The following TECPR2 variants were observed in gnomAD, a reference collection of about 807,000 sequenced individuals.
TECPR2 encodes the protein tectonin beta-propeller repeat containing 2.
Under a neutral mutation model 138.1 loss-of-function variants are expected in TECPR2, and 65 were observed. The ratio of observed to expected loss-of-function variants is 0.47; its 90% CI spans 0.39 to 0.58. The LOEUF (loss-of-function observed/expected upper bound fraction) is 0.58, where lower values mean the gene tolerates loss of function less well. Ranked by LOEUF, TECPR2 falls within the 20% of genes least tolerant of loss-of-function variation. The probability of loss-of-function intolerance (pLI) is 0.00; values close to 1 mark genes in which losing one functional copy is unlikely to be tolerated. For synonymous variants in TECPR2, 746 were observed against 749.8 expected (o/e 0.99, Z 0.08); for missense variants, 1,553 against 1,824.5 (o/e 0.85, Z 2.71).
rs1415021962 is a variant in TECPR2 at position 102,376,710 on chromosome 14, G to C, written c.-12G>C. 8.7e-6 allele frequency: 14 copies of C among 1,613,360 alleles called. No homozygotes were observed. The highest frequency in any genetic ancestry group is 1.2e-5 in the Non-Finnish European group (14 of 1,179,422). ...TTTTCCTGCGTGAAGATAGTCTGTG[G>C]AAACCTTGGCCATGGCATCGATATC... On this transcript the variant is annotated 5_prime_UTR_variant, in exon 2 of 20. Coordinates refer to ENST00000359520, the MANE Select transcript of TECPR2 (RefSeq NM_014844.5).
At chr14:102,497,459 G>A (rs754649965) in intron 18 of TECPR2, 111 bp from the exon 19 acceptor site, 28 of 1,352,980 alleles carry the variant, frequency 2.1e-5, no homozygotes, top group Admixed American at 6.4e-5. Context: ...TGGGCACTCC[G>A]TCCCCGCAGG....
intron 4 of TECPR2, among the ~76,000 whole-genome samples, chr14:102,412,423 G>A (rs1243739536): frequency 1.3e-5 from 2 of 151,998 alleles, no homozygotes; most frequent in South Asian, 2.1e-4. Context: ...TTGAGCCACC[G>A]TGCCAGCTGA....
At position 102,431,634 on chromosome 14, in the gene TECPR2, G is replaced by A. The variant is rs555589779; in HGVS notation, c.1085-162G>A. On this transcript the variant is annotated intron_variant, in intron 7 of 19. Coordinates refer to ENST00000359520, the MANE Select transcript of TECPR2 (RefSeq NM_014844.5). ...TGGGATTACAGGCGTGAGTCACCGT[G>A]CCCATCCTAGTTTTGCTGGTTTCTA... Among the ~76,000 whole-genome samples, 50 of 152,278 alleles carry A rather than the reference G, an allele frequency of 3.3e-4. 1 individual carries two copies. Among genetic ancestry groups the A allele is most frequent in the East Asian group, 1.2e-3 (6 of 5,178 alleles).
intron 5 of TECPR2, among the ~76,000 whole-genome samples, chr14:102,417,535 G>C (rs1445475059): frequency 6.6e-6 from 1 of 152,188 alleles, no homozygotes; most frequent in East Asian, 1.9e-4. Context: ...TGGATAGGAT[G>C]GTCAGGAAAG....
intron 17 of TECPR2, among the ~76,000 whole-genome samples, chr14:102,495,421 A>G (rs1464671956): frequency 2.6e-5 from 4 of 152,154 alleles, no homozygotes. Flanking sequence ...ACCTATTTCT[A>G]TTCCATGGAC....
intron 9 of TECPR2, 118 bp downstream of exon 9, chr14:102,435,329 G>T (rs142254536): frequency 7.1e-7 from 1 of 1,402,738 alleles, no homozygotes; most frequent in African/African-American, 1.4e-5. Flanking sequence ...TGCAAAATCC[G>T]TAGGCCAACT....
chr14:102,479,035 GA>G (rs1311339832), intron 17 of TECPR2, among the ~76,000 whole-genome samples: 26 of 139,196 alleles, frequency 1.9e-4, no homozygotes, highest in South Asian at 2.3e-4. Context: ...AAAAAAAAAG[GA>G]AAAAAAAAAG....
chr14:102,423,428 A>G, intron 5 of TECPR2, among the ~76,000 whole-genome samples: 1 of 151,030 alleles, frequency 6.6e-6, no homozygotes. Context: ...CAAGAGCAAA[A>G]CTCTGTCTCA....
intron 17 of TECPR2, among the ~76,000 whole-genome samples, chr14:102,488,500 C>T (rs1372851706): frequency 1.3e-5 from 2 of 151,710 alleles, no homozygotes; most frequent in African/African-American, 4.8e-5. Flanking sequence ...CCACCACGTC[C>T]GGCTAATTTT....
intron 16 of TECPR2, among the ~76,000 whole-genome samples, chr14:102,462,810 C>G (rs1274408272): frequency 6.6e-6 from 1 of 152,188 alleles, no homozygotes; most frequent in Non-Finnish European, 1.5e-5. Context: ...ATGCACGTAT[C>G]TGACAAAAGA....
chr14:102,445,718 GC>G (rs1595130448), intron 12 of TECPR2, 87 bp from the exon 13 acceptor site: 1 of 1,475,498 alleles, frequency 6.8e-7, no homozygotes. Context: ...AGCCACGCCT[GC>G]CGGGAGACCC....
chr14:102,498,703 T>TGTGC lies in TECPR2; in HGVS notation c.*447_*450dup. 2.4e-6 allele frequency: 1 copy of TGTGC among 422,342 alleles called. No homozygotes were observed. Among genetic ancestry groups the TGTGC allele is most frequent in the Non-Finnish European group, 4.6e-6 (1 of 215,556 alleles). 26.2% of individuals were successfully genotyped at this position (422,342 alleles called of 1,614,324 possible). The stretch of plus-strand genomic sequence containing the variant: ...AAGGTCAGCTCTCTGCAGCGCGGGA[T>TGTGC]GTGCTCGGTGATGGCTTTGTCCCAT... On this transcript the variant is annotated 3_prime_UTR_variant, in exon 20 of 20. Transcript: ENST00000359520.
At chr14:102,363,370 C>A (rs896670696) in intron 1 of TECPR2, among the ~76,000 whole-genome samples, 4 of 152,164 alleles carry the variant, frequency 2.6e-5, no homozygotes, top group African/African-American at 7.2e-5. Context: ...ACAGGGGCCG[C>A]CCGCCCCTCC....
At chr14:102,457,617 G>A (rs556809732) in intron 16 of TECPR2, among the ~76,000 whole-genome samples, 4 of 152,136 alleles carry the variant, frequency 2.6e-5, no homozygotes, top group South Asian at 2.1e-4. Flanking sequence ...GCAGTGGGCC[G>A]GGTGCAGTGG....
At chr14:102,414,545 C>T in intron 4 of TECPR2, 91 bp from the exon 5 acceptor site, 2 of 1,513,452 alleles carry the variant, frequency 1.3e-6, no homozygotes, top group Non-Finnish European at 1.8e-6. Flanking sequence ...GACCTAAGCA[C>T]AGCTAGCGGG....
At chr14:102,461,316 A>G (rs1411750530) in intron 16 of TECPR2, among the ~76,000 whole-genome samples, 1 of 152,230 alleles carries the variant, frequency 6.6e-6, no homozygotes, top group Non-Finnish European at 1.5e-5. Context: ...AGGTCACAGC[A>G]TTTAATGAAG....
At position 102,434,970 on chromosome 14, in the gene TECPR2, T is replaced by C. The variant is rs1013279116; in HGVS notation, c.2153T>C (p.Leu718Ser). The C allele has an allele frequency of 1.9e-6, 3 of 1,614,120 alleles. No individual in the cohort carries two copies. The highest frequency in any genetic ancestry group is 2.5e-6 in the Non-Finnish European group (3 of 1,180,040). Reference sequence around the variant, plus strand: ...GAAATACCCATTTCTGAACGTGTCTTGGGGAGTGTGGGAGGACAGCTGACT... The same window carrying C: ...GAAATACCCATTTCTGAACGTGTCTCGGGGAGTGTGGGAGGACAGCTGACT... ...QKEIPISERVLGSVGGQLTPV... is the reference protein window; with the variant it reads ...QKEIPISERVSGSVGGQLTPV... The change falls in exon 9 of 20, where the codon TTG becomes TCG. Residue 718 changes from leucine (L) to serine (S), a missense_variant. Physicochemically the swap from Leu to Ser is moderately radical, Grantham distance 145. Coordinates refer to ENST00000359520, the MANE Select transcript of TECPR2 (RefSeq NM_014844.5).
chr14:102,480,541 A>G (rs550848052), intron 17 of TECPR2, among the ~76,000 whole-genome samples: 8 of 149,298 alleles, frequency 5.4e-5, no homozygotes, highest in African/African-American at 1.7e-4. Context: ...TATTTTTGAG[A>G]CAGAGTCTCA....
chr14:102,418,296 T>G (rs1595114337), intron 5 of TECPR2, among the ~76,000 whole-genome samples: 1 of 152,340 alleles, frequency 6.6e-6, no homozygotes, highest in East Asian at 1.9e-4. Flanking sequence ...CATCGGGGGA[T>G]ATCTGTGAAC....
Sources: allele counts gnomAD v4.1 joint callset (sites outside exome capture counted in the v4.1 genomes callset), GRCh38; gene constraint gnomAD v4.1.1; transcripts MANE v1.5; gene names NCBI Gene and HGNC (gene_info 2026-07-23, HGNC 2026-07-21).